Variants in MALSU1 observed in about 807,000 individuals in gnomAD.
MALSU1 encodes mitochondrial assembly of ribosomal large subunit protein 1.
MALSU1 carries 22 observed loss-of-function variants against 22.1 expected under a neutral mutation model. The ratio of observed to expected loss-of-function variants is 1.00; its 90% confidence interval spans 0.71 to 1.42. The LOEUF (loss-of-function observed/expected upper bound fraction) is 1.42, where lower values mean the gene tolerates loss of function less well. MALSU1 is among the 40% of genes most tolerant of loss of function. MALSU1 has a pLI of 0.00. For missense variants in MALSU1, 379 were observed against 308.3 expected, an observed-to-expected ratio of 1.23 and a Z score of -1.72; for synonymous variants, 153 against 118.5, an observed-to-expected ratio of 1.29 and a Z score of -1.89.
intron 2 of MALSU1, among the ~76,000 whole-genome samples, chr7:23,307,050 T>C (rs1274565339): frequency 6.6e-6 from 1 of 152,214 alleles, no homozygotes; most frequent in African/African-American, 2.4e-5. Context: ...ATACTAGTTA[T>C]GGTCTATTGA....
intron 2 of MALSU1, among the ~76,000 whole-genome samples, chr7:23,303,431 T>C (rs922208684): frequency 1.3e-5 from 2 of 152,320 alleles, no homozygotes; most frequent in East Asian, 1.9e-4. Flanking sequence ...CCCTTATTCA[T>C]TGATGGACAC....
At position 23,310,919 on chromosome 7, in the gene MALSU1, A is replaced by G. The variant is rs1783809058; in HGVS notation, c.*1376A>G. 6.6e-6 allele frequency: 1 copy of G among 152,148 alleles called. No homozygotes were observed. The highest frequency in any genetic ancestry group is 2.1e-4 in the South Asian group (1 of 4,824). The allele number at this position is 152,148 out of a possible 1,614,324, so 9.4% of individuals were successfully genotyped here. The stretch of plus-strand genomic sequence containing the variant: ...CTTGGAGACCACCCACACCCAACAC[A>G]ATTGTACGTACTGGGCTTTGCTGTC... On this transcript the variant is annotated 3_prime_UTR_variant, in exon 4 of 4. Transcript: ENST00000466681.
At position 23,309,588 on chromosome 7, in the gene MALSU1, C is replaced by CACTTATTGG. The variant is rs1554307090; in HGVS notation, c.*47_*55dup. The CACTTATTGG allele has an allele frequency of 2.7e-6, 4 of 1,470,558 alleles. No homozygotes were observed. The highest frequency in any genetic ancestry group is 3.7e-6 in the Non-Finnish European group (4 of 1,091,712). 91.1% of individuals were successfully genotyped at this position (1,470,558 alleles called of 1,614,324 possible). On this transcript the variant is annotated 3_prime_UTR_variant, in exon 4 of 4. Transcript: ENST00000466681. Reference sequence around the variant, plus strand: ...TAGTCATTTCAGATTTGGATTGAGTCACTTATTGGAAAATACAGCTCCTAA... The same window carrying CACTTATTGG: ...TAGTCATTTCAGATTTGGATTGAGTCACTTATTGGACTTATTGGAAAATACAGCTCCTAA...
At chr7:23,299,720 ACTC>A (rs1357182451) in intron 1 of MALSU1, 112 bp downstream of exon 1, 23 of 1,216,556 alleles carry the variant, frequency 1.9e-5, no homozygotes, top group Admixed American at 5.6e-5. Flanking sequence ...GAGTCACAAA[ACTC>A]CTGCACATCC....
rs1277967485 is a variant in MALSU1 at position 23,307,885 on chromosome 7, TA to T, written c.456del (p.Lys152AsnfsTer8). On this transcript the variant is annotated frameshift_variant, in exon 3 of 4. Coordinates refer to ENST00000466681, the MANE Select transcript of MALSU1 (RefSeq NM_138446.2). LOFTEE classifies it high-confidence loss of function. ...VVKMYKHLKC[K>X]RDPHVKIEGK... ...TTTTGCAGTACAAACACCTGAAATG[TA>T]AACGTGACCCTCATGTTAAGATAGA... 2.5e-6 allele frequency: 4 copies of T among 1,613,798 alleles called. No homozygotes were observed.
rs1469961115 is a variant in MALSU1 at position 23,299,578 on chromosome 7, A to T, written c.226A>T (p.Asn76Tyr). 2 of 1,601,328 alleles carry T rather than the reference A, an allele frequency of 1.2e-6. No individual in the cohort carries two copies. Among genetic ancestry groups the T allele is most frequent in the South Asian group, 2.2e-5 (2 of 89,178 alleles). Reference protein sequence around the residue: ...GLEERAEGTVNEGRPESDAAD... With the variant: ...GLEERAEGTVYEGRPESDAAD... The stretch of plus-strand genomic sequence containing the variant: ...GGAGGAGCGGGCGGAGGGGACGGTC[A>T]ACGAGGGACGCCCAGAATCGGACGC... The change falls in exon 1 of 4, where the codon AAC (asparagine) becomes TAC (tyrosine). Residue 76 changes from asparagine to tyrosine, a missense_variant. Coordinates refer to ENST00000466681, the MANE Select transcript of MALSU1 (RefSeq NM_138446.2).
chr7:23,300,314 C>G (rs976741594), intron 1 of MALSU1, among the ~76,000 whole-genome samples: 1 of 152,138 alleles, frequency 6.6e-6, no homozygotes, highest in African/African-American at 2.4e-5. Context: ...AAATGTAGCT[C>G]TTTCAGTGAC....
chr7:23,301,786 T>A (rs535748805), intron 2 of MALSU1, among the ~76,000 whole-genome samples: 1 of 152,134 alleles, frequency 6.6e-6, no homozygotes, highest in East Asian at 1.9e-4. Flanking sequence ...CTGGCCAACA[T>A]GGTGAAATGC....
rs774453191 is a variant in MALSU1 at position 23,299,361 on chromosome 7, G to T, written c.9G>T (p.Pro3=). Residue 3 remains proline (P), a synonymous_variant, in exon 1 of 4, where the codon CCG becomes CCT. Transcript: ENST00000466681. MG[P]GGRVARLLAP... is the part of the protein sequence containing the mutation. ...GACGCAAGGCTGCTGCTATGGGGCC[G>T]GGCGGCCGTGTGGCGCGGCTGCTCG... The T allele has an allele frequency of 6.3e-7, 1 of 1,575,190 alleles. No homozygotes were observed. Among genetic ancestry groups the T allele is most frequent in the Admixed American group, 1.7e-5 (1 of 58,040 alleles).
intron 1 of MALSU1, among the ~76,000 whole-genome samples, chr7:23,300,303 A>T (rs546377654): frequency 6.6e-6 from 1 of 152,314 alleles, no homozygotes; most frequent in Non-Finnish European, 1.5e-5. Flanking sequence ...TAATTACTCA[A>T]AAATGTAGCT....
intron 2 of MALSU1, among the ~76,000 whole-genome samples, chr7:23,302,757 T>C (rs1407110848): frequency 1.3e-5 from 2 of 152,194 alleles, no homozygotes; most frequent in African/African-American, 2.4e-5. Flanking sequence ...TGGTAAAATA[T>C]ATATAACGTA....
At chr7:23,301,672 A>G (rs1562655824) in intron 2 of MALSU1, among the ~76,000 whole-genome samples, 1 of 152,188 alleles carries the variant, frequency 6.6e-6, no homozygotes, top group Non-Finnish European at 1.5e-5. Flanking sequence ...TTTAATTATA[A>G]ATTAAAATAT....
intron 1 of MALSU1, among the ~76,000 whole-genome samples, chr7:23,300,234 T>C (rs1011512513): frequency 6.6e-6 from 1 of 152,152 alleles, no homozygotes; most frequent in Non-Finnish European, 1.5e-5. Context: ...TAGATTTTCA[T>C]AGGTAACAGT....
chr7:23,309,541 T>C lies in MALSU1; in HGVS notation c.703T>C (p.Ter235GlnextTer14). The stretch of plus-strand genomic sequence containing the variant: ...GACTCCAGTGGAGTTAAAATGTGAA[T>C]AAAATATTTTATGCACTGCGTTAGT... The part of the protein sequence containing the change: ...SVTPVELKCE[*>Q] Residue 235 changes from the stop codon to glutamine (Q), a stop_lost, in exon 4 of 4, where the codon TAA becomes CAA. Transcript: ENST00000466681. The C allele has an allele frequency of 1.3e-6, 2 of 1,592,060 alleles. No homozygotes were observed. The highest frequency in any genetic ancestry group is 1.7e-6 in the Non-Finnish European group (2 of 1,172,672).
In MALSU1 at chr7:23,299,363, G is replaced by A. The variant is rs747914062; in HGVS notation, c.11G>A (p.Gly4Asp). Residue 4 changes from glycine (G) to aspartate (D), a missense_variant, in exon 1 of 4, where the codon GGC becomes GAC. By Grantham distance (94) the Gly-to-Asp change is moderately conservative (BLOSUM62 -1). Coordinates refer to ENST00000466681, the MANE Select transcript of MALSU1 (RefSeq NM_138446.2). MGPGGRVARLLAPL... is the reference protein window; with the variant it reads MGPDGRVARLLAPL... ...CGCAAGGCTGCTGCTATGGGGCCGG[G>A]CGGCCGTGTGGCGCGGCTGCTCGCC... The A allele has an allele frequency of 1.3e-6, 2 of 1,576,726 alleles. No homozygotes were observed. Among genetic ancestry groups the A allele is most frequent in the Admixed American group, 1.7e-5 (1 of 58,176 alleles).
chr7:23,299,703 T>C, intron 1 of MALSU1, 95 bp downstream of exon 1: 1 of 1,361,396 alleles, frequency 7.3e-7, no homozygotes, highest in Non-Finnish European at 9.8e-7. Context: ...TATGTGCATT[T>C]CTCTTGGAGT....
chr7:23,302,902 G>C (rs1256834300), intron 2 of MALSU1, among the ~76,000 whole-genome samples: 1 of 152,096 alleles, frequency 6.6e-6, no homozygotes, highest in African/African-American at 2.4e-5. Context: ...TAAGCCTCCT[G>C]AGTAGGTGGG....
intron 2 of MALSU1, among the ~76,000 whole-genome samples, chr7:23,306,607 C>T (rs895096382): frequency 6.6e-6 from 1 of 152,016 alleles, no homozygotes; most frequent in African/African-American, 2.4e-5. Context: ...AGGTAATTTC[C>T]TTTTATGCCC....
intron 3 of MALSU1, among the ~76,000 whole-genome samples, 199 bp from the exon 4 acceptor site, chr7:23,309,157 C>T (rs1783767578): frequency 6.6e-6 from 1 of 152,186 alleles, no homozygotes; most frequent in South Asian, 2.1e-4. Flanking sequence ...TTGACATATG[C>T]CTCCTGTAGG....
Sources: gnomAD v4.1 joint callset for allele counts (sites outside exome capture counted in the v4.1 genomes callset) on GRCh38, gnomAD v4.1.1 for gene constraint, MANE v1.5 for transcripts, NCBI Gene and HGNC (gene_info 2026-07-23, HGNC 2026-07-21) for gene names.